PRRG1: variants seen among roughly 807,000 people sequenced by gnomAD.
PRRG1 encodes proline rich and Gla domain 1.
Under a neutral mutation model 11.8 loss-of-function variants are expected in PRRG1, and 5 were observed. That is an observed-to-expected ratio of 0.42 (90% CI 0.22 to 0.89). PRRG1 has a LOEUF of 0.89. PRRG1 is among the 40% of genes least tolerant of loss of function. The pLI, the probability that PRRG1 is intolerant of heterozygous loss-of-function variation, is 0.28. For synonymous variants in PRRG1, 66 were observed against 60.4 expected (o/e 1.09, Z -0.43); for missense variants, 155 against 166.1 (o/e 0.93, Z 0.37).
intron 1 of PRRG1, among the ~76,000 whole-genome samples, chrX:37,351,494 C>CAAAA (rs1302945653): frequency 2.0e-5 from 1 of 50,425 alleles, no homozygotes; most frequent in African/African-American, 6.1e-5. Context: ...GACTCCGTCT[C>CAAAA]AAAAAAAAAA....
chrX:37,414,691 A>C (rs1185342164), intron 2 of PRRG1, among the ~76,000 whole-genome samples: 2 of 112,898 alleles, frequency 1.8e-5, no homozygotes, highest in Non-Finnish European at 3.7e-5. Flanking sequence ...ATGACTAATA[A>C]AATTTAGAAA....
At chrX:37,367,802 TCTGTATATGTTC>T (rs1930626962) in intron 1 of PRRG1, among the ~76,000 whole-genome samples, 1 of 112,446 alleles carries the variant, frequency 8.9e-6, no homozygotes, top group African/African-American at 3.2e-5. Flanking sequence ...ATAGAGATAT[TCTGTATATGTTC>T]CTGTATTGTG....
intron 2 of PRRG1, among the ~76,000 whole-genome samples, chrX:37,417,143 G>T (rs181877614): frequency 4.8e-4 from 53 of 110,925 alleles, no homozygotes; most frequent in Non-Finnish European, 8.7e-4. Context: ...CCTGTTATCT[G>T]GTATTTCATT....
At chrX:37,423,509 A>G (rs907413710) in intron 2 of PRRG1, among the ~76,000 whole-genome samples, 46 of 109,203 alleles carry the variant, frequency 4.2e-4, no homozygotes, top group African/African-American at 1.5e-3. Context: ...TTTTCATTTA[A>G]TTTTATTTTT....
At chrX:37,375,908 T>G (rs1354373122) in intron 1 of PRRG1, among the ~76,000 whole-genome samples, 4 of 111,816 alleles carry the variant, frequency 3.6e-5, no homozygotes, top group Admixed American at 9.5e-5. Flanking sequence ...GTTTATGTTT[T>G]CTTAGCCTGA....
intron 1 of PRRG1, among the ~76,000 whole-genome samples, chrX:37,361,507 A>G (rs1055426769): frequency 1.8e-5 from 2 of 112,128 alleles, no homozygotes. Context: ...TAAAATAACA[A>G]TTTCACAATT....
intron 3 of PRRG1, among the ~76,000 whole-genome samples, chrX:37,450,659 TCA>T (rs1556396315): frequency 8.9e-6 from 1 of 112,197 alleles, no homozygotes; most frequent in Non-Finnish European, 1.9e-5. Context: ...ATTATTTAAA[TCA>T]CATATATTTA....
chrX:37,391,916 G>A (rs1556376796), intron 1 of PRRG1, among the ~76,000 whole-genome samples: 1 of 110,956 alleles, frequency 9.0e-6, no homozygotes, highest in Non-Finnish European at 1.9e-5. Context: ...ACTTGAAAGA[G>A]AATTCTCTTA....
chrX:37,437,566 A>G (rs1306960511), intron 3 of PRRG1, among the ~76,000 whole-genome samples: 1 of 112,292 alleles, frequency 8.9e-6, no homozygotes, highest in Non-Finnish European at 1.9e-5. Context: ...CAGTACTGTC[A>G]TGGTTAGGAA....
chrX:37,446,587 C>A (rs1028491506), intron 3 of PRRG1, among the ~76,000 whole-genome samples: 5 of 112,063 alleles, frequency 4.5e-5, no homozygotes, highest in African/African-American at 1.3e-4. Flanking sequence ...TGAAAGATTA[C>A]CTTCCTTAGG....
intron 1 of PRRG1, among the ~76,000 whole-genome samples, chrX:37,363,967 C>T (rs1930490686): frequency 8.9e-6 from 1 of 111,834 alleles, no homozygotes; most frequent in Non-Finnish European, 1.9e-5. Flanking sequence ...AACAGAACTT[C>T]TCCCCCTACC....
chrX:37,379,125 C>T (rs1556373208), intron 1 of PRRG1, among the ~76,000 whole-genome samples: 1 of 96,697 alleles, frequency 1.0e-5, no homozygotes, highest in African/African-American at 4.0e-5. Context: ...TCCTGGCAGG[C>T]AAGTCTTCAT....
intron 1 of PRRG1, among the ~76,000 whole-genome samples, chrX:37,350,441 G>A (rs1314975434): frequency 9.0e-6 from 1 of 111,647 alleles, no homozygotes; most frequent in East Asian, 2.8e-4. Context: ...AGTTGGTTAG[G>A]CTACTGTTGA....
intron 1 of PRRG1, among the ~76,000 whole-genome samples, chrX:37,385,712 A>C (rs1295302584): frequency 9.1e-6 from 1 of 109,593 alleles, no homozygotes; most frequent in Non-Finnish European, 1.9e-5. Flanking sequence ...GGCTGCAGTC[A>C]TCCAAAGGCT....
chrX:37,437,520 A>T (rs1602033020), intron 3 of PRRG1, among the ~76,000 whole-genome samples: 1 of 112,305 alleles, frequency 8.9e-6, no homozygotes, highest in African/African-American at 3.2e-5. Context: ...GTCACCTATC[A>T]TGCTGCTGCT....
chrX:37,438,143 C>T (rs782014898), intron 3 of PRRG1, among the ~76,000 whole-genome samples: 2 of 110,253 alleles, frequency 1.8e-5, no homozygotes, highest in South Asian at 3.9e-4. Flanking sequence ...ACCCAGGAAG[C>T]GGAGGCTGCA....
chrX:37,371,108 T>G (rs1187581721), intron 1 of PRRG1, among the ~76,000 whole-genome samples: 1 of 111,424 alleles, frequency 9.0e-6, no homozygotes, highest in Non-Finnish European at 1.9e-5. Context: ...CTTATGGTGC[T>G]TTTCCCAGCC....
chrX:37,350,188 T>C (rs977003810), intron 1 of PRRG1, among the ~76,000 whole-genome samples: 2 of 112,057 alleles, frequency 1.8e-5, no homozygotes, highest in African/African-American at 3.3e-5. Context: ...GACTGGAAAG[T>C]AGTGTGTGCG....
chrX:37,441,018 C>T (rs1290775211), intron 3 of PRRG1: 1 of 917,665 alleles, frequency 1.1e-6, no homozygotes, highest in Non-Finnish European at 1.4e-6. Flanking sequence ...ATCCTCCTAC[C>T]TTGGCCTCCC....
Sources: allele counts gnomAD v4.1 joint callset (sites outside exome capture counted in the v4.1 genomes callset), GRCh38; gene constraint gnomAD v4.1.1; transcripts MANE v1.5; gene names NCBI Gene and HGNC (gene_info 2026-07-23, HGNC 2026-07-21).